TRIQK: variants seen among roughly 807,000 people sequenced by gnomAD.
TRIQK encodes the protein triple QxxK/R motif-containing protein.
Under a neutral mutation model 10.8 loss-of-function variants are expected in TRIQK, and 10 were observed. The observed-to-expected ratio is 0.92, with a 90% CI of 0.57 to 1.57. TRIQK has a LOEUF of 1.57. Among genes scored for constraint, TRIQK ranks in the 40% most tolerant of loss-of-function variants. The pLI is 0.00. For synonymous variants in TRIQK, 33 were observed against 33.7 expected (o/e 0.98, Z 0.07); for missense variants, 107 against 97.7 (o/e 1.09, Z -0.40).
intron 2 of TRIQK, among the ~76,000 whole-genome samples, chr8:92,946,966 C>T (rs905536654): frequency 1.7e-4 from 25 of 151,438 alleles, no homozygotes; most frequent in Non-Finnish European, 2.4e-4. Flanking sequence ...GGGGTTTCAC[C>T]GTGTTAGCCA....
chr8:92,885,092 A>G lies in TRIQK; in HGVS notation c.*1530T>C. 1 of 436,940 alleles carries G rather than the reference A, an allele frequency of 2.3e-6. No individual in the cohort carries two copies. Among genetic ancestry groups the G allele is most frequent in the Non-Finnish European group, 4.7e-6 (1 of 212,540 alleles). The allele number at this position is 436,940 out of a possible 1,614,324, so 27.1% of individuals were successfully genotyped here. A position where few individuals can be genotyped will look rare whatever the true frequency, so the allele number is the denominator to read the frequency against. On this transcript the variant is annotated 3_prime_UTR_variant, in exon 5 of 5. Coordinates refer to ENST00000521988, the MANE Select transcript of TRIQK (RefSeq NM_001171797.2). ...GAGTTCAAAGGGAAGAATCTAGTAA[A>G]TAACACCGGCTAAATTTTGCCCTCA...
intron 1 of TRIQK, among the ~76,000 whole-genome samples, chr8:92,977,852 T>G (rs1049512721): frequency 1.3e-5 from 2 of 152,178 alleles, no homozygotes; most frequent in African/African-American, 2.4e-5. Flanking sequence ...ATTTAAGTTT[T>G]GTTAGGCAGA....
At chr8:92,909,133 A>G (rs1181081063) in intron 3 of TRIQK, among the ~76,000 whole-genome samples, 1 of 151,982 alleles carries the variant, frequency 6.6e-6, no homozygotes, top group African/African-American at 2.4e-5. Context: ...TTCGTATGGA[A>G]TCTTGTTAAA....
intron 3 of TRIQK, among the ~76,000 whole-genome samples, chr8:92,898,833 G>GTGTGTGTGTATA (rs1256723943): frequency 4.1e-5 from 3 of 73,902 alleles, no homozygotes; most frequent in African/African-American, 1.7e-4. Flanking sequence ...GTGTGTGTGT[G>GTGTGTGTGTATA]TATATATATA....
intron 1 of TRIQK, among the ~76,000 whole-genome samples, chr8:92,978,622 T>C (rs75879694): frequency 1.2e-3 from 176 of 152,278 alleles, no homozygotes; most frequent in Non-Finnish European, 2.2e-3. Context: ...ACCTCAAGTT[T>C]TGAACTGCAA....
intron 2 of TRIQK, among the ~76,000 whole-genome samples, chr8:92,934,045 G>T (rs556755712): frequency 1.3e-5 from 2 of 152,084 alleles, no homozygotes; most frequent in South Asian, 4.1e-4. Flanking sequence ...AAGTGTGAAA[G>T]AAATAAAAAC....
At chr8:92,985,314 T>C (rs956301037) in intron 1 of TRIQK, among the ~76,000 whole-genome samples, 1 of 152,174 alleles carries the variant, frequency 6.6e-6, no homozygotes, top group Non-Finnish European at 1.5e-5. Context: ...TCTGTAAAAT[T>C]ATTGCTCATT....
intron 3 of TRIQK, among the ~76,000 whole-genome samples, chr8:92,894,764 T>C (rs1808501491): frequency 6.6e-6 from 1 of 152,136 alleles, no homozygotes; most frequent in South Asian, 2.1e-4. Context: ...GATAATGTAA[T>C]GTGGAAACTC....
intron 2 of TRIQK, chr8:92,922,684 C>T (rs967147962): frequency 7.3e-5 from 11 of 151,674 alleles, no homozygotes; most frequent in Admixed American, 7.2e-4. Context: ...TGTTAATATA[C>T]TTTACATTAA....
At chr8:92,969,156 C>G (rs1812848532), upstream of TRIQK, among the ~76,000 whole-genome samples, 1 of 152,054 alleles carries the variant, frequency 6.6e-6, no homozygotes, top group African/African-American at 2.4e-5. Flanking sequence ...TTCCACTGGT[C>G]TATATATCTG....
At chr8:92,945,047 T>C (rs1338003496) in intron 2 of TRIQK, among the ~76,000 whole-genome samples, 2 of 152,206 alleles carry the variant, frequency 1.3e-5, no homozygotes, top group East Asian at 3.8e-4. Context: ...GACTGTGGTG[T>C]AGGTACTGTC....
upstream of TRIQK, among the ~76,000 whole-genome samples, chr8:92,969,091 G>C (rs1285385548): frequency 6.6e-6 from 1 of 152,082 alleles, no homozygotes; most frequent in East Asian, 1.9e-4. Flanking sequence ...TGTCAGGTTT[G>C]TCAAAGATCA....
chr8:93,000,891 A>T (rs1813204086), intron 1 of TRIQK, among the ~76,000 whole-genome samples: 1 of 151,980 alleles, frequency 6.6e-6, no homozygotes, highest in African/African-American at 2.4e-5. Context: ...TTAAAAAAAA[A>T]AAAAAGAGGC....
chr8:92,959,316 T>A (rs1426689975), intron 1 of TRIQK, among the ~76,000 whole-genome samples: 1 of 151,992 alleles, frequency 6.6e-6, no homozygotes, highest in Non-Finnish European at 1.5e-5. Context: ...CATAAATGAG[T>A]CAGAAGTTCA....
At chr8:92,940,873 TA>T (rs1397782377) in intron 2 of TRIQK, among the ~76,000 whole-genome samples, 1 of 152,198 alleles carries the variant, frequency 6.6e-6, no homozygotes, top group African/African-American at 2.4e-5. Flanking sequence ...GATCATATGT[TA>T]GATCACAAAA....
intron 1 of TRIQK, among the ~76,000 whole-genome samples, chr8:93,003,607 C>T (rs1436079584): frequency 1.3e-5 from 2 of 152,146 alleles, no homozygotes; most frequent in East Asian, 1.9e-4. Flanking sequence ...TCCAACCGTC[C>T]CCCAAAGTCT....
intron 1 of TRIQK, among the ~76,000 whole-genome samples, chr8:92,972,182 A>G (rs1258042990): frequency 4.6e-5 from 7 of 152,054 alleles, no homozygotes; most frequent in Admixed American, 4.6e-4. Context: ...TATACAATAT[A>G]TTGTTGAATT....
chr8:92,994,461 G>T (rs1029868422), intron 1 of TRIQK, among the ~76,000 whole-genome samples: 1 of 151,086 alleles, frequency 6.6e-6, no homozygotes, highest in South Asian at 2.1e-4. Flanking sequence ...TTTCCTCCAA[G>T]GCTGACAACT....
intron 1 of TRIQK, among the ~76,000 whole-genome samples, chr8:93,015,455 A>G (rs1377815666): frequency 6.8e-6 from 1 of 147,756 alleles, no homozygotes; most frequent in Non-Finnish European, 1.5e-5. Flanking sequence ...AAAAAAGCAT[A>G]AGCTTTTTTT....
Sources: allele counts gnomAD v4.1 joint callset (sites outside exome capture counted in the v4.1 genomes callset), GRCh38; gene constraint gnomAD v4.1.1; transcripts MANE v1.5; gene names NCBI Gene and HGNC (gene_info 2026-07-23, HGNC 2026-07-21).